The following PAH variants were observed in gnomAD, a reference collection of about 807,000 sequenced individuals.
PAH encodes the protein phenylalanine hydroxylase.
Under a neutral mutation model 62.0 loss-of-function variants are expected in PAH, and 64 were observed. That is an observed-to-expected ratio of 1.03 (90% CI 0.84 to 1.27). PAH has a LOEUF of 1.27. Ranked by LOEUF, PAH falls within the 50% of genes most tolerant of loss-of-function variation. The probability of loss-of-function intolerance (pLI) is 0.00; values close to 1 mark genes in which losing one functional copy is unlikely to be tolerated. For synonymous variants in PAH, 195 were observed against 196.2 expected (o/e 0.99, Z 0.05); for missense variants, 579 against 542.8 (o/e 1.07, Z -0.66).
chr12:102,876,336 C>T (rs1021330978), intron 4 of PAH, among the ~76,000 whole-genome samples: 3 of 152,146 alleles, frequency 2.0e-5, no homozygotes, highest in African/African-American at 4.8e-5. Flanking sequence ...GGATTTCTGC[C>T]ACTAGCTAGG....
chr12:102,946,904 G>C (rs1460737182), intron 1 of PAH: 4 of 152,162 alleles, frequency 2.6e-5, no homozygotes, highest in Non-Finnish European at 5.9e-5. Context: ...ACTTTGTAAA[G>C]ATCTCTTTGT....
intron 1 of PAH, among the ~76,000 whole-genome samples, chr12:102,941,108 C>T (rs763661460): frequency 2.6e-5 from 4 of 152,164 alleles, no homozygotes; most frequent in Non-Finnish European, 5.9e-5. Context: ...AAACTCTTTT[C>T]AGACAAGCAA....
chr12:102,886,656 T>G (rs1877054503), intron 3 of PAH, among the ~76,000 whole-genome samples: 1 of 152,122 alleles, frequency 6.6e-6, no homozygotes, highest in Admixed American at 6.5e-5. Flanking sequence ...GGAGCACTTA[T>G]TTGGCCCTGC....
At chr12:102,896,624 GTC>G (rs1473201101) in intron 2 of PAH, among the ~76,000 whole-genome samples, 1 of 152,160 alleles carries the variant, frequency 6.6e-6, no homozygotes, top group Non-Finnish European at 1.5e-5. Context: ...CATTCAGGAC[GTC>G]TTCTATAATC....
intron 3 of PAH, among the ~76,000 whole-genome samples, chr12:102,893,176 G>A (rs1877349582): frequency 6.6e-6 from 1 of 152,084 alleles, no homozygotes; most frequent in Non-Finnish European, 1.5e-5. Context: ...GAGGCGGGTG[G>A]TTCACCTGAG....
In PAH at chr12:102,861,600, G is replaced by T. The variant is rs989853934; in HGVS notation, c.509+4996C>A. Among the ~76,000 whole-genome samples, 5 of 152,302 alleles carry T rather than the reference G, an allele frequency of 3.3e-5. No homozygotes were observed. The East Asian group carries it at 7.7e-4, about 23-fold the overall frequency. ...CCAACCCAAATGTCCATCAGTGATAGACTGGATTAAGAAAATGTGGCACAT... is the reference window on the plus strand; with the variant it reads ...CCAACCCAAATGTCCATCAGTGATATACTGGATTAAGAAAATGTGGCACAT... On this transcript the variant is annotated intron_variant, in intron 5 of 12. Transcript: ENST00000553106.
At chr12:102,950,128 A>G (rs1232612485) in intron 1 of PAH, 1 of 152,218 alleles carries the variant, frequency 6.6e-6, no homozygotes, top group Non-Finnish European at 1.5e-5. Context: ...AAAAATATCA[A>G]CTTACTTAAT....
At chr12:102,928,608 G>C (rs2136746259) in intron 1 of PAH, among the ~76,000 whole-genome samples, 1 of 152,232 alleles carries the variant, frequency 6.6e-6, no homozygotes, top group East Asian at 1.9e-4. Flanking sequence ...ATGAGTTTTG[G>C]AGACTGCAGT....
At chr12:102,908,535 A>G (rs1209688768) in intron 2 of PAH, among the ~76,000 whole-genome samples, 1 of 152,192 alleles carries the variant, frequency 6.6e-6, no homozygotes, top group African/African-American at 2.4e-5. Context: ...TCACTCAGAC[A>G]TACATTCTCC....
Position 102,855,237 on chromosome 12 carries a change from G to C in PAH, c.605C>G (p.Ala202Gly). 1 of 1,613,996 alleles carries C rather than the reference G, an allele frequency of 6.2e-7. No individual in the cohort carries two copies. The highest frequency in any genetic ancestry group is 8.5e-7 in the Non-Finnish European group (1 of 1,179,858). ...AAAAATGTGATTGTACTCATAGCAAGCATGGGTTTTATACAAGGACTTCAG... is the reference window on the plus strand; with the variant it reads ...AAAAATGTGATTGTACTCATAGCAACCATGGGTTTTATACAAGGACTTCAG... The part of the protein sequence containing the change: ...KTLKSLYKTH[A>G]CYEYNHIFPL... Residue 202 changes from alanine (A) to glycine (G), a missense_variant, in exon 6 of 13, where the codon GCT (alanine) becomes GGT (glycine). Coordinates refer to ENST00000553106, the MANE Select transcript of PAH (RefSeq NM_000277.3).
intron 5 of PAH, among the ~76,000 whole-genome samples, chr12:102,863,684 G>C (rs141817053): frequency 2.6e-5 from 4 of 152,120 alleles, no homozygotes; most frequent in African/African-American, 9.7e-5. Context: ...TGAAAGCAAG[G>C]CCAAAGCAAA....
At chr12:102,924,685 G>A (rs71466246) in intron 1 of PAH, among the ~76,000 whole-genome samples, 17,294 of 152,148 alleles carry the variant, frequency 0.11, 1,110 homozygotes, top group East Asian at 0.16. Context: ...TATCTTTGAA[G>A]AGGAGGATGA....
chr12:102,920,919 T>G (rs1357202475), upstream of PAH, among the ~76,000 whole-genome samples: 2 of 152,188 alleles, frequency 1.3e-5, no homozygotes, highest in African/African-American at 4.8e-5. Context: ...ACTTCTTTAT[T>G]TTCCAGTTAT....
chr12:102,863,771 C>T (rs566593440), intron 5 of PAH, among the ~76,000 whole-genome samples: 66 of 152,184 alleles, frequency 4.3e-4, no homozygotes, highest in African/African-American at 1.5e-3. Context: ...CCGCCTTAAA[C>T]TCTTCATTTA....
intron 8 of PAH, among the ~76,000 whole-genome samples, chr12:102,851,310 G>T (rs372384804): frequency 6.6e-5 from 10 of 152,144 alleles, no homozygotes; most frequent in African/African-American, 1.7e-4. Flanking sequence ...ACAAATAACT[G>T]CCTGACAAGG....
intron 4 of PAH, among the ~76,000 whole-genome samples, chr12:102,868,608 A>C (rs963477735): frequency 1.3e-5 from 2 of 152,022 alleles, no homozygotes; most frequent in African/African-American, 4.8e-5. Context: ...ACTTAAAACT[A>C]CTGTTGTGCC....
intron 3 of PAH, among the ~76,000 whole-genome samples, chr12:102,882,214 A>G (rs867959551): frequency 6.6e-6 from 1 of 152,236 alleles, no homozygotes; most frequent in Middle Eastern, 3.4e-3. Flanking sequence ...GTGACTTGAA[A>G]TTGCCTTGGC....
chr12:102,893,109 G>C (rs1877345362), intron 3 of PAH, among the ~76,000 whole-genome samples: 3 of 152,144 alleles, frequency 2.0e-5, no homozygotes, highest in Admixed American at 2.0e-4. Context: ...CTTTTAAAAA[G>C]TCTATTAAGG....
At chr12:102,882,671 TATATAAAA>T (rs1843842748) in intron 3 of PAH, among the ~76,000 whole-genome samples, 1 of 42,650 alleles carries the variant, frequency 2.3e-5, no homozygotes, top group Non-Finnish European at 4.2e-5. Flanking sequence ...TATATATATA[TATATAAAA>T]TTTTTTTCTA....
Sources: allele counts gnomAD v4.1 joint callset (sites outside exome capture counted in the v4.1 genomes callset), GRCh38; gene constraint gnomAD v4.1.1; transcripts MANE v1.5; gene names NCBI Gene and HGNC (gene_info 2026-07-23, HGNC 2026-07-21).